Variants in CLEC2A observed in about 807,000 individuals in gnomAD.
CLEC2A encodes the protein C-type lectin domain family 2 member A, also known as keratinocyte-associated C-type lectin.
CLEC2A carries 19 observed loss-of-function variants against 18.6 expected under a neutral mutation model. The observed-to-expected ratio is 1.02, with a 90% CI of 0.71 to 1.50. CLEC2A has a LOEUF of 1.50. Among genes scored for constraint, CLEC2A ranks in the 40% most tolerant of loss-of-function variants. The pLI is 0.00. For missense variants in CLEC2A, 190 were observed against 207.9 expected (o/e 0.91, Z 0.53); for synonymous variants, 74 against 64.0 (o/e 1.16, Z -0.75).
At chr12:9,879,204 C>A in the CLEC2A span, among the ~76,000 whole-genome samples, 1 of 152,038 alleles carries the variant, frequency 6.6e-6, no homozygotes, top group African/African-American at 2.4e-5. Context: ...CACTAAGGAG[C>A]TGCTTGATAT....
downstream of CLEC2A, among the ~76,000 whole-genome samples, chr12:9,911,131 T>C (rs187951669): frequency 2.6e-5 from 4 of 152,250 alleles, no homozygotes; most frequent in African/African-American, 9.6e-5. Context: ...CTAGTCCTGA[T>C]TGGCTAAACA....
chr12:9,891,753 A>T, the CLEC2A span, among the ~76,000 whole-genome samples: 2 of 152,158 alleles, frequency 1.3e-5, no homozygotes. Flanking sequence ...ATATATATGA[A>T]GTTTCATGAA....
intron 4 of CLEC2A, 90 bp downstream of exon 4, chr12:9,916,610 A>G: frequency 1.2e-6 from 1 of 860,546 alleles, no homozygotes; most frequent in East Asian, 2.6e-5. Context: ...AAACAGAAAG[A>G]TTTGTTTATA....
At chr12:9,900,099 G>A (rs1396330680) in intron 4 of CLEC2A, among the ~76,000 whole-genome samples, 1 of 152,186 alleles carries the variant, frequency 6.6e-6, no homozygotes, top group Admixed American at 6.5e-5. Context: ...TTGGGTGCAT[G>A]CTGCTTGGCT....
intron 1 of CLEC2A, among the ~76,000 whole-genome samples, chr12:9,929,127 T>G (rs1165833305): frequency 6.6e-6 from 1 of 152,194 alleles, no homozygotes; most frequent in Non-Finnish European, 1.5e-5. Context: ...AGTAACCCTC[T>G]TGAACTCTGG....
At chr12:9,890,029 C>A in the CLEC2A span, among the ~76,000 whole-genome samples, 1 of 151,854 alleles carries the variant, frequency 6.6e-6, no homozygotes. Flanking sequence ...TTTAAAACAG[C>A]ACCAATAATT....
chr12:9,880,135 G>A, the CLEC2A span, among the ~76,000 whole-genome samples: 2 of 152,218 alleles, frequency 1.3e-5, no homozygotes, highest in Non-Finnish European at 2.9e-5. Context: ...GTGAAGGTAA[G>A]TCTTCCCACT....
chr12:9,923,618 C>T (rs1863211382), intron 2 of CLEC2A, among the ~76,000 whole-genome samples: 1 of 152,126 alleles, frequency 6.6e-6, no homozygotes, highest in Non-Finnish European at 1.5e-5. Flanking sequence ...GCTATAAAGA[C>T]ACATACACAC....
intron 2 of CLEC2A, among the ~76,000 whole-genome samples, chr12:9,925,106 A>G (rs1054494022): frequency 6.6e-6 from 1 of 152,200 alleles, no homozygotes; most frequent in African/African-American, 2.4e-5. Flanking sequence ...AATTCAATAT[A>G]TAAGTGTTCA....
the CLEC2A span, among the ~76,000 whole-genome samples, chr12:9,891,447 T>C: frequency 2.0e-5 from 3 of 152,306 alleles, no homozygotes; most frequent in African/African-American, 4.8e-5. Context: ...AGTATTTCCA[T>C]TGTGTCTGGC....
At chr12:9,898,460 G>T (rs1377313672), downstream of CLEC2A, among the ~76,000 whole-genome samples, 8 of 152,098 alleles carry the variant, frequency 5.3e-5, no homozygotes, top group African/African-American at 1.7e-4. Context: ...GTTTGTCAAG[G>T]AGACAGGTGT....
downstream of CLEC2A, chr12:9,895,571 C>T: frequency 1.1e-6 from 1 of 906,368 alleles, no homozygotes; most frequent in East Asian, 2.8e-5. Context: ...CATTCTAAAA[C>T]CTCTGCAAAA....
chr12:9,895,615 G>A, downstream of CLEC2A: 1 of 1,360,674 alleles, frequency 7.3e-7, no homozygotes, highest in Non-Finnish European at 9.7e-7. Flanking sequence ...ATAAAAGTTT[G>A]GCTGGAGAAA....
the CLEC2A span, among the ~76,000 whole-genome samples, chr12:9,885,390 C>T: frequency 9.2e-5 from 14 of 151,644 alleles, 1 homozygote; most frequent in Admixed American, 1.3e-4. Flanking sequence ...GACTTCCAGA[C>T]TTTTTTCTTC....
chr12:9,893,873 C>T (rs543364503), downstream of CLEC2A, among the ~76,000 whole-genome samples: 1 of 152,122 alleles, frequency 6.6e-6, no homozygotes, highest in East Asian at 1.9e-4. Context: ...TATGCAAATA[C>T]TTCTCATGTG....
the CLEC2A span, among the ~76,000 whole-genome samples, chr12:9,882,067 A>G: frequency 0.1 from 15,385 of 152,066 alleles, 1,142 homozygotes; most frequent in East Asian, 0.34. Flanking sequence ...TAAAAGCCCT[A>G]TAGGATTGGT....
chr12:9,915,151 G>A (rs1454520130), intron 4 of CLEC2A, among the ~76,000 whole-genome samples: 2 of 151,862 alleles, frequency 1.3e-5, no homozygotes, highest in East Asian at 3.9e-4. Context: ...ACAATAATGA[G>A]ATACCATCTC....
At chr12:9,932,205 A>G (rs1863386705) in intron 1 of CLEC2A, 70 bp downstream of exon 1, 2 of 1,146,446 alleles carry the variant, frequency 1.7e-6, no homozygotes, top group Admixed American at 4.0e-5. Flanking sequence ...AAGAGTCCAT[A>G]TTTTTAAGCT....
downstream of CLEC2A, among the ~76,000 whole-genome samples, chr12:9,912,849 C>A (rs755452733): frequency 1.3e-5 from 2 of 152,180 alleles, no homozygotes; most frequent in African/African-American, 4.8e-5. Flanking sequence ...GCACTGCTTC[C>A]CACCTGCCTG....
Sources: gnomAD v4.1 joint callset for allele counts (sites outside exome capture counted in the v4.1 genomes callset) on GRCh38, gnomAD v4.1.1 for gene constraint, MANE v1.5 for transcripts, NCBI Gene and HGNC (gene_info 2026-07-23, HGNC 2026-07-21) for gene names.